Variants in FBXO11 observed in about 807,000 individuals in gnomAD.
FBXO11 encodes the protein F-box only protein 11.
A neutral mutation model predicts 117.0 loss-of-function variants in FBXO11; 13 were observed. The observed-to-expected ratio is 0.11, with a 90% confidence interval of 0.07 to 0.18. The LOEUF (loss-of-function observed/expected upper bound fraction) is 0.18. Among genes scored for constraint, FBXO11 ranks in the 10% least tolerant of loss-of-function variants. The pLI is 1.00. For synonymous variants in FBXO11, 490 were observed against 380.5 expected (o/e 1.29, Z -3.35); for missense variants, 767 against 1,164.4 (o/e 0.66, Z 4.97).
At chr2:47,898,244 C>G (rs1677825665) in intron 1 of FBXO11, among the ~76,000 whole-genome samples, 1 of 152,188 alleles carries the variant, frequency 6.6e-6, no homozygotes, top group South Asian at 2.1e-4. Context: ...TTGCCTTCAA[C>G]TGAAATAAAT....
chr2:47,883,614 C>T (rs180830805), intron 1 of FBXO11: 10 of 314,190 alleles, frequency 3.2e-5, no homozygotes, highest in East Asian at 8.0e-5. Flanking sequence ...GGAAGATGAA[C>T]GTACTTTATC....
chr2:47,873,373 A>G (rs900703642), intron 1 of FBXO11, among the ~76,000 whole-genome samples: 1 of 152,250 alleles, frequency 6.6e-6, no homozygotes, highest in Non-Finnish European at 1.5e-5. Flanking sequence ...GAAGCTAAGA[A>G]GTCTAACTGC....
intron 1 of FBXO11, among the ~76,000 whole-genome samples, chr2:47,858,597 C>T (rs1244401825): frequency 2.1e-5 from 3 of 140,120 alleles, no homozygotes; most frequent in African/African-American, 5.3e-5. Context: ...CAGGAGAATC[C>T]CCTGAACCTG....
At chr2:47,860,963 C>G (rs1392566505) in intron 1 of FBXO11, among the ~76,000 whole-genome samples, 3 of 151,354 alleles carry the variant, frequency 2.0e-5, no homozygotes, top group African/African-American at 7.3e-5. Flanking sequence ...TCTCCTGCCT[C>G]AGCCTCTGGA....
At chr2:47,901,197 G>A (rs1160662078) in intron 1 of FBXO11, among the ~76,000 whole-genome samples, 3 of 142,386 alleles carry the variant, frequency 2.1e-5, no homozygotes, top group African/African-American at 5.3e-5. Context: ...ACATATATAT[G>A]TGTGTCATAG....
At chr2:47,822,091 A>G in intron 13 of FBXO11, 127 bp downstream of exon 13, 1 of 687,082 alleles carries the variant, frequency 1.5e-6, no homozygotes, top group Admixed American at 3.3e-5. Flanking sequence ...ATTTCTTTAA[A>G]AAAGAAAAAA....
chr2:47,892,923 G>T (rs1040581449), intron 1 of FBXO11, among the ~76,000 whole-genome samples: 4 of 151,966 alleles, frequency 2.6e-5, no homozygotes, highest in Non-Finnish European at 5.9e-5. Context: ...AACTTTTGAA[G>T]TGTGGTCCAA....
At chr2:47,894,634 T>C (rs1677518212) in intron 1 of FBXO11, among the ~76,000 whole-genome samples, 1 of 152,194 alleles carries the variant, frequency 6.6e-6, no homozygotes, top group Non-Finnish European at 1.5e-5. Flanking sequence ...AAAGTGATAT[T>C]AAGTTAGTGA....
At chr2:47,859,709 T>C (rs1156564681) in intron 1 of FBXO11, among the ~76,000 whole-genome samples, 2 of 152,262 alleles carry the variant, frequency 1.3e-5, no homozygotes, top group Non-Finnish European at 2.9e-5. Context: ...AACAGAATTT[T>C]AACTTTAATC....
At chr2:47,903,358 A>C (rs1316426007) in intron 1 of FBXO11, among the ~76,000 whole-genome samples, 1 of 152,206 alleles carries the variant, frequency 6.6e-6, no homozygotes, top group Non-Finnish European at 1.5e-5. Context: ...AGAAGCAACA[A>C]TTCTACAGTA....
rs960191984 is a variant in FBXO11, at chr2:47,873,098, G to A, written c.232+32391C>T. Among the ~76,000 whole-genome samples, 5 of 152,266 alleles carry A rather than the reference G, an allele frequency of 3.3e-5. No individual in the cohort carries two copies. In the East Asian group the frequency reaches 5.8e-4, roughly 18 times the overall value. On this transcript the variant is annotated intron_variant, in intron 1 of 22. Transcript: ENST00000403359. The stretch of plus-strand genomic sequence containing the variant: ...CAGTGTCACTACTGGTAAGTCTATG[G>A]ATTTATTTTTAGACAGGTTTTCCCA...
rs181881132 is a variant in FBXO11, at chr2:47,814,773, T to C, written c.2007-906A>G. Among the ~76,000 whole-genome samples, 30 of 152,382 alleles carry C rather than the reference T, an allele frequency of 2.0e-4. 1 individual carries two copies. The highest frequency in any genetic ancestry group is 6.2e-4 in the South Asian group (3 of 4,834). ...TTCTCTGTAGCATGCAATGTTGTTATAGCATTTTGCTCACAGTAGAATTTC... is the reference window on the plus strand; with the variant it reads ...TTCTCTGTAGCATGCAATGTTGTTACAGCATTTTGCTCACAGTAGAATTTC... On this transcript the variant is annotated intron_variant, in intron 16 of 22. Coordinates refer to ENST00000403359, the MANE Select transcript of FBXO11 (RefSeq NM_001190274.2).
intron 1 of FBXO11, among the ~76,000 whole-genome samples, chr2:47,901,125 G>GTATATATATATA (rs1396541573): frequency 9.7e-5 from 9 of 92,480 alleles, no homozygotes; most frequent in Non-Finnish European, 2.2e-5. Context: ...ACACACGTGT[G>GTATATATATATA]TACATGTATA....
In FBXO11 at chr2:47,891,750, G is replaced by C. The variant is rs374860953; in HGVS notation, c.232+13739C>G. Among the ~76,000 whole-genome samples the C allele has an allele frequency of 2.9e-4, 44 of 151,982 alleles. No homozygotes were observed. The East Asian group carries it at 7.0e-3, about 24-fold the overall frequency. ...GCATTTCTACCAACAGTGTATAAGG[G>C]GTTCAATTTCTACGTATCTTCACCA... On this transcript the variant is annotated intron_variant, in intron 1 of 22. Coordinates refer to ENST00000403359, the MANE Select transcript of FBXO11 (RefSeq NM_001190274.2).
At position 47,807,405 on chromosome 2, in the gene FBXO11, A is replaced by AAT. The variant is rs1471211023; in HGVS notation, c.*711_*712dup. 1 of 206,762 alleles carries AAT rather than the reference A, an allele frequency of 4.8e-6. No individual in the cohort carries two copies. The highest frequency in any genetic ancestry group is 9.9e-6 in the Non-Finnish European group (1 of 101,208). The allele number at this position is 206,762 out of a possible 1,614,324, so 12.8% of individuals were successfully genotyped here. ...CTCACTTTTTCTAGGGGTGATTTTG[A>AAT]ATGCTGCACAGGGAAGGGAAGGAAA... On this transcript the variant is annotated 3_prime_UTR_variant, in exon 23 of 23. Coordinates refer to ENST00000403359, the MANE Select transcript of FBXO11 (RefSeq NM_001190274.2).
At chr2:47,870,422 G>A (rs549474098) in intron 1 of FBXO11, among the ~76,000 whole-genome samples, 2 of 152,140 alleles carry the variant, frequency 1.3e-5, no homozygotes, top group African/African-American at 4.8e-5. Flanking sequence ...CTTTGAAAAT[G>A]CAAGTTAAGG....
rs190623190 is a variant in FBXO11, at chr2:47,813,564, T to C, written c.2084-187A>G. Among the ~76,000 whole-genome samples, 128 of 151,320 alleles carry C rather than the reference T, an allele frequency of 8.5e-4. 1 individual carries two copies. Among genetic ancestry groups the C allele is most frequent in the African/African-American group, 2.7e-3 (112 of 41,126 alleles). On this transcript the variant is annotated intron_variant, in intron 17 of 22. Transcript: ENST00000403359. ...CTCCTGCCTCAGCCTCCCAAGTAGC[T>C]GGGAATACAGGCGTGTGCCACCATG...
intron 1 of FBXO11, among the ~76,000 whole-genome samples, chr2:47,880,630 A>G (rs377188811): frequency 1.3e-5 from 2 of 152,054 alleles, no homozygotes; most frequent in Non-Finnish European, 2.9e-5. Context: ...ATTTTTGGTT[A>G]TTTCTGCTTC....
intron 1 of FBXO11, among the ~76,000 whole-genome samples, chr2:47,858,132 G>A (rs1674458263): frequency 6.6e-6 from 1 of 151,760 alleles, no homozygotes; most frequent in African/African-American, 2.4e-5. Flanking sequence ...TTGAGGCGGA[G>A]CCTCACTCTG....
Sources: allele counts gnomAD v4.1 joint callset (sites outside exome capture counted in the v4.1 genomes callset), GRCh38; gene constraint gnomAD v4.1.1; transcripts MANE v1.5; gene names NCBI Gene and HGNC (gene_info 2026-07-23, HGNC 2026-07-21).